Variants in NUS1 observed in about 807,000 individuals in gnomAD.
NUS1 encodes the protein NUS1 dehydrodolichyl diphosphate synthase subunit, also known as dehydrodolichyl diphosphate synthase complex subunit NUS1.
For missense variants in NUS1, 292 were observed against 382.9 expected (o/e 0.76, Z 1.98); for synonymous variants, 135 against 155.2 (o/e 0.87, Z 0.97).
chr6:117,695,500 A>G (rs1402794889), intron 3 of NUS1, among the ~76,000 whole-genome samples: 1 of 152,190 alleles, frequency 6.6e-6, no homozygotes, highest in East Asian at 1.9e-4. Context: ...ATAAGAGAGT[A>G]ATTTCATAAG....
chr6:117,682,139 T>C (rs932285440), intron 1 of NUS1, among the ~76,000 whole-genome samples: 1 of 152,052 alleles, frequency 6.6e-6, no homozygotes, highest in African/African-American at 2.4e-5. Flanking sequence ...GCTTGTTGAT[T>C]CTTGTAAGTT....
intron 1 of NUS1, among the ~76,000 whole-genome samples, chr6:117,686,674 T>C (rs1263059735): frequency 6.6e-6 from 1 of 152,226 alleles, no homozygotes; most frequent in Non-Finnish European, 1.5e-5. Context: ...ATAAAATAAC[T>C]TTTGTAATAG....
intron 3 of NUS1, among the ~76,000 whole-genome samples, chr6:117,698,601 A>T (rs1429535583): frequency 2.6e-5 from 4 of 152,090 alleles, no homozygotes; most frequent in Non-Finnish European, 5.9e-5. Flanking sequence ...TTTAAAGAAG[A>T]ACTAATACCA....
chr6:117,679,162 A>G (rs902533495), intron 1 of NUS1, among the ~76,000 whole-genome samples: 7 of 152,228 alleles, frequency 4.6e-5, no homozygotes, highest in African/African-American at 1.7e-4. Flanking sequence ...ACAAGCTAAT[A>G]TAGAAATGCT....
intron 3 of NUS1, among the ~76,000 whole-genome samples, chr6:117,699,187 G>C (rs1055388780): frequency 6.6e-6 from 1 of 152,090 alleles, no homozygotes; most frequent in Non-Finnish European, 1.5e-5. Flanking sequence ...AAGGCATCCA[G>C]ATTGGAAAGG....
chr6:117,702,143 A>C (rs1315375255), intron 3 of NUS1, among the ~76,000 whole-genome samples: 1 of 152,162 alleles, frequency 6.6e-6, no homozygotes, highest in East Asian at 1.9e-4. Flanking sequence ...CCTGGATCTC[A>C]CTGTTAAATT....
At chr6:117,696,720 A>G (rs1247487258) in intron 3 of NUS1, among the ~76,000 whole-genome samples, 2 of 152,168 alleles carry the variant, frequency 1.3e-5, no homozygotes, top group Non-Finnish European at 2.9e-5. Context: ...TTCCCAGACA[A>G]ACAAAAGCTA....
chr6:117,683,345 T>G (rs1773090635), intron 1 of NUS1, among the ~76,000 whole-genome samples: 1 of 152,244 alleles, frequency 6.6e-6, no homozygotes, highest in Non-Finnish European at 1.5e-5. Context: ...AATAGCTTAA[T>G]GGCCTATGTA....
rs1473421966 is a variant in NUS1, at chr6:117,694,040, G to C, written c.551G>C (p.Cys184Ser). 3.1e-6 allele frequency: 5 copies of C among 1,601,440 alleles called. No individual in the cohort carries two copies. The African/African-American group carries it at 6.7e-5, about 22-fold the overall frequency. The stretch of plus-strand genomic sequence containing the variant: ...TTGTTTTTTCTTCCAGTTTTAAATT[G>C]CCATTTGGCAGTGAAGGTGCTGTCT... The part of the protein sequence containing the change: ...SNDKDDQVLN[C>S]HLAVKVLSPE... The change falls in exon 3 of 5, where the codon TGC (cysteine) becomes TCC (serine). Residue 184 changes from cysteine to serine, a missense_variant. Physicochemically the swap from Cys to Ser is moderately radical, Grantham distance 112. Transcript: ENST00000368494.
In NUS1 at chr6:117,675,967, G is replaced by A; in HGVS notation, c.297G>A (p.Val99=). The change falls in exon 1 of 5, where the codon GTG becomes GTA. Residue 99 remains valine, a synonymous_variant. Transcript: ENST00000368494. ...GTCGTTCCTTGGAGAAGCTGCCTGT[G>A]CATATGGGCCTGGTGATCACCGAGG... ...ADGRSLEKLP[V]HMGLVITEVE... 1 of 1,549,182 alleles carries A rather than the reference G, an allele frequency of 6.5e-7. No individual in the cohort carries two copies. The highest frequency in any genetic ancestry group is 1.4e-5 in the African/African-American group (1 of 73,120).
Position 117,675,791 on chromosome 6 carries a change from T to C in NUS1, c.121T>C (p.Cys41Arg). The C allele has an allele frequency of 6.4e-7, 1 of 1,561,656 alleles. No individual in the cohort carries two copies. The highest frequency in any genetic ancestry group is 8.6e-7 in the Non-Finnish European group (1 of 1,156,322). The change falls in exon 1 of 5, where the codon TGC (cysteine) becomes CGC (arginine). Residue 41 changes from cysteine (C) to arginine (R), a missense_variant. By Grantham distance (180) the Cys-to-Arg change is radical (BLOSUM62 -3). Coordinates refer to ENST00000368494, the MANE Select transcript of NUS1 (RefSeq NM_138459.5). ...CTGGAACTGGATCTGGCGGCGCTGC[T>C]GCCGCGCCGCCTCTGCCGCGGTCCT... ...GTWNWIWRRC[C>R]RAASAAVLAP...
At chr6:117,682,543 G>A (rs562972722) in intron 1 of NUS1, among the ~76,000 whole-genome samples, 1 of 152,230 alleles carries the variant, frequency 6.6e-6, no homozygotes, top group African/African-American at 2.4e-5. Context: ...TGGGGCTACA[G>A]TGAACCATGG....
intron 1 of NUS1, among the ~76,000 whole-genome samples, chr6:117,689,286 C>T (rs1232858640): frequency 6.6e-6 from 1 of 152,062 alleles, no homozygotes; most frequent in African/African-American, 2.4e-5. Context: ...GCAAGAGTTC[C>T]TGAAAAGATT....
At chr6:117,697,988 A>C (rs990477811) in intron 3 of NUS1, among the ~76,000 whole-genome samples, 7 of 152,102 alleles carry the variant, frequency 4.6e-5, no homozygotes, top group Non-Finnish European at 1.0e-4. Context: ...ATAAAACTAG[A>C]AATCAATAAG....
intron 1 of NUS1, among the ~76,000 whole-genome samples, chr6:117,690,903 C>G (rs1773207462): frequency 1.4e-5 from 2 of 145,126 alleles, no homozygotes; most frequent in South Asian, 4.3e-4. Context: ...TCGCATGAAC[C>G]CAGGAGGCGG....
In NUS1 at chr6:117,693,101, C is replaced by T. The variant is rs915423342; in HGVS notation, c.475C>T (p.Leu159Phe). 6.2e-6 allele frequency: 10 copies of T among 1,611,018 alleles called. No homozygotes were observed. Among genetic ancestry groups the T allele is most frequent in the Non-Finnish European group, 8.5e-6 (10 of 1,177,554 alleles). Residue 159 changes from leucine (L) to phenylalanine (F), a missense_variant, in exon 2 of 5, where the codon CTT becomes TTT. Leu to Phe is a conservative substitution (Grantham distance 22). Transcript: ENST00000368494. The part of the protein sequence containing the change: ...MDEILKQQQE[L>F]LGLDCSKYSP... The stretch of plus-strand genomic sequence containing the variant: ...TGAAATTTTAAAACAACAGCAAGAA[C>T]TTCTGGGCCTAGATTGTTCAAAATA...
chr6:117,704,676 C>T (rs1172379660), intron 4 of NUS1, among the ~76,000 whole-genome samples: 1 of 152,164 alleles, frequency 6.6e-6, no homozygotes, highest in Non-Finnish European at 1.5e-5. Context: ...TTCTCTCTCT[C>T]ATGACAGGTA....
chr6:117,682,784 C>T (rs553678192), intron 1 of NUS1, among the ~76,000 whole-genome samples: 9 of 152,256 alleles, frequency 5.9e-5, no homozygotes, highest in South Asian at 2.1e-4. Flanking sequence ...GATTTTTATT[C>T]TAGAGCTTTT....
In NUS1 at chr6:117,703,451, G is replaced by A. The variant is rs537215190; in HGVS notation, c.692-154G>A. ...TATGTATTACAGAGTTGGGGGTGGG[G>A]CATGGAGACATACAGATAAAACTTC... is the stretch of plus-strand genomic sequence containing the variant. On this transcript the variant is annotated intron_variant, in intron 3 of 4. Coordinates refer to ENST00000368494, the MANE Select transcript of NUS1 (RefSeq NM_138459.5). Among the ~76,000 whole-genome samples, 6 of 152,278 alleles carry A rather than the reference G, an allele frequency of 3.9e-5. No homozygotes were observed. The South Asian group carries it at 1.2e-3, about 32-fold the overall frequency.
Sources: allele counts gnomAD v4.1 joint callset (sites outside exome capture counted in the v4.1 genomes callset), GRCh38; gene constraint gnomAD v4.1.1; transcripts MANE v1.5; gene names NCBI Gene and HGNC (gene_info 2026-07-23, HGNC 2026-07-21).